The following HMBOX1 variants were observed in gnomAD, a reference collection of about 807,000 sequenced individuals.
HMBOX1 encodes homeobox-containing protein 1.
HMBOX1 carries 14 observed loss-of-function variants against 54.5 expected under a neutral mutation model. The ratio of observed to expected loss-of-function variants is 0.26; its 90% CI spans 0.17 to 0.40. The LOEUF (loss-of-function observed/expected upper bound fraction) is 0.40, where lower values mean the gene tolerates loss of function less well. Among genes scored for constraint, HMBOX1 ranks in the 10% least tolerant of loss-of-function variants. The pLI is 1.00. For synonymous variants in HMBOX1, 160 were observed against 181.0 expected (o/e 0.88, Z 0.93); for missense variants, 332 against 514.4 (o/e 0.65, Z 3.43).
chr8:28,925,147 C>T (rs1399480082), intron 1 of HMBOX1, among the ~76,000 whole-genome samples: 4 of 151,990 alleles, frequency 2.6e-5, no homozygotes, highest in African/African-American at 9.7e-5. Flanking sequence ...TATTATGTGA[C>T]ATGTGAAAGT....
chr8:28,992,725 C>T (rs1831164372), intron 4 of HMBOX1, among the ~76,000 whole-genome samples: 1 of 151,618 alleles, frequency 6.6e-6, no homozygotes, highest in Non-Finnish European at 1.5e-5. Flanking sequence ...AAAAAACTAG[C>T]CGGGTGTAGT....
chr8:28,916,657 A>G (rs1023112271), intron 1 of HMBOX1, among the ~76,000 whole-genome samples: 15 of 152,208 alleles, frequency 9.9e-5, no homozygotes, highest in South Asian at 8.3e-4. Context: ...CTATTATTCT[A>G]TTCTATTGAT....
Position 29,049,202 on chromosome 8 carries a change from T to A in HMBOX1, c.1125+154T>A, listed in dbSNP as rs1806074270. On this transcript the variant is annotated intron_variant, in intron 9 of 9. Coordinates refer to ENST00000287701, the MANE Select transcript of HMBOX1 (RefSeq NM_001135726.3). ...CTGTGTCTAGTTAGATTTCATGTAATTTGAAAGGAATGTGGTAAGATTCAG... is the reference window on the plus strand; with the variant it reads ...CTGTGTCTAGTTAGATTTCATGTAAATTGAAAGGAATGTGGTAAGATTCAG... The A allele has an allele frequency of 1.3e-6, 2 of 1,499,340 alleles. 1 individual carries two copies. Among genetic ancestry groups the A allele is most frequent in the South Asian group, 2.5e-5 (2 of 79,846 alleles). 92.9% of individuals were successfully genotyped at this position (1,499,340 alleles called of 1,614,324 possible).
intron 1 of HMBOX1, among the ~76,000 whole-genome samples, chr8:28,908,215 T>C (rs1814713671): frequency 6.6e-6 from 1 of 152,172 alleles, no homozygotes; most frequent in Non-Finnish European, 1.5e-5. Context: ...AGGAACATAT[T>C]TGGTTTGTAC....
chr8:29,020,700 T>A (rs1801013304), intron 6 of HMBOX1, among the ~76,000 whole-genome samples: 1 of 152,216 alleles, frequency 6.6e-6, no homozygotes, highest in Non-Finnish European at 1.5e-5. Flanking sequence ...TACTTAATAG[T>A]ACAGAAGGTC....
chr8:28,976,538 A>C (rs530521511), intron 3 of HMBOX1, among the ~76,000 whole-genome samples: 2 of 152,238 alleles, frequency 1.3e-5, no homozygotes, highest in East Asian at 1.9e-4. Context: ...GGAGTGAGCC[A>C]CTGCACCTGG....
At chr8:28,989,772 T>C (rs1317565685) in intron 4 of HMBOX1, among the ~76,000 whole-genome samples, 1 of 152,222 alleles carries the variant, frequency 6.6e-6, no homozygotes, top group African/African-American at 2.4e-5. Flanking sequence ...TTGTGTTGAA[T>C]ATATAGCTCA....
At chr8:28,931,608 C>G (rs987888466) in intron 1 of HMBOX1, among the ~76,000 whole-genome samples, 1 of 152,142 alleles carries the variant, frequency 6.6e-6, no homozygotes, top group African/African-American at 2.4e-5. Context: ...GTGTTACAAT[C>G]ACATCTCACT....
intron 1 of HMBOX1, among the ~76,000 whole-genome samples, chr8:28,927,822 ACT>A (rs911140701): frequency 8.3e-6 from 1 of 120,722 alleles, no homozygotes; most frequent in African/African-American, 3.1e-5. Flanking sequence ...CAAAAGCGAA[ACT>A]CAGTCTCAAA....
chr8:28,993,304 A>G (rs573013478), intron 4 of HMBOX1, among the ~76,000 whole-genome samples: 57 of 152,210 alleles, frequency 3.7e-4, no homozygotes, highest in Admixed American at 1.3e-3. Flanking sequence ...TTTAAGATAT[A>G]CATACTCTTG....
chr8:28,999,534 T>G (rs1193259165), intron 4 of HMBOX1, among the ~76,000 whole-genome samples: 1 of 152,186 alleles, frequency 6.6e-6, no homozygotes, highest in African/African-American at 2.4e-5. Flanking sequence ...AGCCTAATGG[T>G]ATCCCACAGG....
intron 4 of HMBOX1, among the ~76,000 whole-genome samples, chr8:28,984,143 C>A (rs1275329881): frequency 6.6e-6 from 1 of 152,176 alleles, no homozygotes; most frequent in Non-Finnish European, 1.5e-5. Context: ...CCCTGCAGTA[C>A]CTCATCAGTG....
chr8:28,996,324 A>G (rs1311140685), intron 4 of HMBOX1, among the ~76,000 whole-genome samples: 1 of 152,204 alleles, frequency 6.6e-6, no homozygotes, highest in Non-Finnish European at 1.5e-5. Flanking sequence ...TGCACTGTGT[A>G]TACGTGAACT....
intron 3 of HMBOX1, among the ~76,000 whole-genome samples, chr8:28,975,375 T>C (rs527308378): frequency 1.1e-4 from 16 of 152,346 alleles, no homozygotes; most frequent in African/African-American, 3.8e-4. Flanking sequence ...AGGGAGAACG[T>C]CTTTGAATAG....
At chr8:28,933,617 A>G (rs959652261) in intron 1 of HMBOX1, among the ~76,000 whole-genome samples, 1 of 152,220 alleles carries the variant, frequency 6.6e-6, no homozygotes, top group Non-Finnish European at 1.5e-5. Context: ...AAGAGGTGAT[A>G]TTACTGCAGA....
At chr8:28,964,431 G>T (rs1212191091) in intron 2 of HMBOX1, among the ~76,000 whole-genome samples, 1 of 152,162 alleles carries the variant, frequency 6.6e-6, no homozygotes, top group Non-Finnish European at 1.5e-5. Context: ...GTATTGTGTT[G>T]AGAGTGTTTT....
intron 4 of HMBOX1, among the ~76,000 whole-genome samples, chr8:28,994,336 T>C (rs1031362543): frequency 6.6e-6 from 1 of 152,184 alleles, no homozygotes; most frequent in Non-Finnish European, 1.5e-5. Flanking sequence ...TCCTTGGAGA[T>C]GAGCAAATTT....
At chr8:28,968,944 C>A (rs1040756866) in intron 2 of HMBOX1, among the ~76,000 whole-genome samples, 4 of 152,098 alleles carry the variant, frequency 2.6e-5, no homozygotes, top group Non-Finnish European at 4.4e-5. Flanking sequence ...GAGGCCGAGG[C>A]GGGCGAATCA....
intron 1 of HMBOX1, among the ~76,000 whole-genome samples, chr8:28,933,857 C>T (rs1819924106): frequency 1.3e-5 from 2 of 152,126 alleles, no homozygotes; most frequent in African/African-American, 4.8e-5. Context: ...AACTGCATGG[C>T]TTAATGGTGA....
Sources: gnomAD v4.1 joint callset for allele counts (sites outside exome capture counted in the v4.1 genomes callset) on GRCh38, gnomAD v4.1.1 for gene constraint, MANE v1.5 for transcripts, NCBI Gene and HGNC (gene_info 2026-07-23, HGNC 2026-07-21) for gene names.